The following ANKRD28 variants were observed in gnomAD, a reference collection of about 807,000 sequenced individuals.
ANKRD28 encodes the protein ankyrin repeat domain 28, also known as serine/threonine-protein phosphatase 6 regulatory ankyrin repeat subunit A.
A neutral mutation model predicts 126.5 loss-of-function variants in ANKRD28; 44 were observed. That is an observed-to-expected ratio of 0.35 (90% CI 0.27 to 0.45). The LOEUF is 0.45. Among genes scored for constraint, ANKRD28 ranks in the 20% least tolerant of loss-of-function variants. The pLI is 1.00. For synonymous variants in ANKRD28, 442 were observed against 468.5 expected (o/e 0.94, Z 0.73); for missense variants, 1,110 against 1,316.6 (o/e 0.84, Z 2.43).
intron 1 of ANKRD28, among the ~76,000 whole-genome samples, chr3:15,855,197 G>A (rs746831323): frequency 6.6e-6 from 1 of 152,100 alleles, no homozygotes; most frequent in Non-Finnish European, 1.5e-5. Flanking sequence ...TTTTTTGTGT[G>A]TGTTTTTTCC....
At chr3:15,851,786 A>G (rs183576176) in intron 1 of ANKRD28, among the ~76,000 whole-genome samples, 34 of 152,320 alleles carry the variant, frequency 2.2e-4, no homozygotes, top group African/African-American at 8.2e-4. Context: ...TTCCATTCCT[A>G]TATCCCAGAG....
intron 3 of ANKRD28, among the ~76,000 whole-genome samples, chr3:15,764,825 C>T (rs933354025): frequency 3.3e-5 from 5 of 151,988 alleles, no homozygotes; most frequent in Admixed American, 1.3e-4. Context: ...AGTACATCAG[C>T]GGTGAAATTA....
chr3:15,699,928 A>G (rs2070304378), intron 14 of ANKRD28, among the ~76,000 whole-genome samples: 1 of 152,226 alleles, frequency 6.6e-6, no homozygotes, highest in African/African-American at 2.4e-5. Context: ...ATAAAGACAC[A>G]TGCACACGTA....
chr3:15,705,997 T>C (rs1254961438), intron 14 of ANKRD28, among the ~76,000 whole-genome samples: 1 of 151,688 alleles, frequency 6.6e-6, no homozygotes, highest in East Asian at 1.9e-4. Context: ...CAAGATTCCA[T>C]CTCAAAACGA....
intron 3 of ANKRD28, among the ~76,000 whole-genome samples, chr3:15,755,071 G>C (rs1199168504): frequency 1.3e-5 from 2 of 152,148 alleles, no homozygotes; most frequent in Non-Finnish European, 2.9e-5. Flanking sequence ...GGAGGTTGCA[G>C]TGAGCCTAGA....
intron 10 of ANKRD28, among the ~76,000 whole-genome samples, chr3:15,712,482 A>G (rs1254693550): frequency 1.3e-5 from 2 of 152,190 alleles, no homozygotes; most frequent in South Asian, 2.1e-4. Flanking sequence ...CATTCTGTGC[A>G]TACAGGCTTA....
At chr3:15,795,374 A>T in intron 1 of ANKRD28, 68 bp from the exon 2 acceptor site, 1 of 1,094,710 alleles carries the variant, frequency 9.1e-7, no homozygotes, top group Non-Finnish European at 1.4e-6. Context: ...TATTTTACAT[A>T]GTTCTGGAAT....
rs542104945 is a variant in ANKRD28, at chr3:15,667,566, A to G, written c.*2704T>C. 4.6e-5 allele frequency: 7 copies of G among 152,378 alleles called. No homozygotes were observed. In the South Asian group the frequency reaches 1.4e-3, roughly 32 times the overall value. 9.4% of individuals were successfully genotyped at this position (152,378 alleles called of 1,614,324 possible). ...TTAGACATACAAGGTGTAACCATAA[A>G]GGAAATTTCTACGGTGCTGTGTTCA... On this transcript the variant is annotated 3_prime_UTR_variant, in exon 28 of 28. Transcript: ENST00000683139.
intron 1 of ANKRD28, among the ~76,000 whole-genome samples, chr3:15,831,924 C>T (rs2061201884): frequency 6.6e-6 from 1 of 152,178 alleles, no homozygotes; most frequent in Admixed American, 6.5e-5. Context: ...GACTAGTTTT[C>T]TTCAACCTTG....
rs1447889630 is a variant in ANKRD28 at position 15,749,097 on chromosome 3, TTTTG to T, written c.351+2649_351+2652del. ...TTTCCTTTCATATTCTATATTATGT[TTTTG>T]TTTTTTTTTTTTTTTTTTTTGAGAC... On this transcript the variant is annotated intron_variant, in intron 4 of 27. Coordinates refer to ENST00000683139, the MANE Select transcript of ANKRD28 (RefSeq NM_001349278.2). Among the ~76,000 whole-genome samples, 288 of 33,810 alleles carry T rather than the reference TTTTG, an allele frequency of 8.5e-3. 22 individuals are homozygous for T. The highest frequency in any genetic ancestry group is 0.016 in the African/African-American group (265 of 16,260). The allele number at this position is 33,810 out of a possible 152,430, so 22.2% of individuals were successfully genotyped here. A position where few individuals can be genotyped will look rare whatever the true frequency, so the allele number is the denominator to read the frequency against.
chr3:15,857,322 T>C (rs1457212377), intron 1 of ANKRD28, among the ~76,000 whole-genome samples: 1 of 152,226 alleles, frequency 6.6e-6, no homozygotes, highest in Non-Finnish European at 1.5e-5. Context: ...TCTCGCTCTG[T>C]CGCCCAGGCT....
At chr3:15,803,506 A>T (rs2060506851) in intron 1 of ANKRD28, among the ~76,000 whole-genome samples, 1 of 151,704 alleles carries the variant, frequency 6.6e-6, no homozygotes. Flanking sequence ...AATCCCAGCT[A>T]CTCAAGAGGC....
chr3:15,794,590 A>C (rs1575709060), intron 2 of ANKRD28, among the ~76,000 whole-genome samples: 1 of 23,888 alleles, frequency 4.2e-5, no homozygotes, highest in Non-Finnish European at 1.5e-4. Context: ...GAAAAAACAT[A>C]ACAGAGAGAG....
At chr3:15,738,565 G>A (rs2075198072) in intron 4 of ANKRD28, 3 of 152,506 alleles carry the variant, frequency 2.0e-5, no homozygotes, top group African/African-American at 7.2e-5. Flanking sequence ...GGAGGCTGAG[G>A]TGGGAGGATC....
chr3:15,730,885 T>G (rs1254526353), intron 6 of ANKRD28, among the ~76,000 whole-genome samples: 2 of 152,146 alleles, frequency 1.3e-5, no homozygotes, highest in African/African-American at 4.8e-5. Context: ...TAAGAGGTGA[T>G]TAGGCAATAA....
rs2061382802 is a variant in ANKRD28 at position 15,839,171 on chromosome 3, G to T, written c.27+20206C>A. ...GGGTGATGAAAATACTCTAAAACTGGTTTGTAATGATGAGTGCAAAATTCT... is the reference window on the plus strand; with the variant it reads ...GGGTGATGAAAATACTCTAAAACTGTTTTGTAATGATGAGTGCAAAATTCT... On this transcript the variant is annotated intron_variant, in intron 1 of 27. Transcript: ENST00000399451. The surrounding 1 kb of genome is among the most constrained non-coding windows in gnomAD (Gnocchi z 4.3). Among the ~76,000 whole-genome samples the T allele has an allele frequency of 6.6e-6, 1 of 152,032 alleles. No homozygotes were observed. The highest frequency in any genetic ancestry group is 1.5e-5 in the Non-Finnish European group (1 of 67,998).
intron 5 of ANKRD28, 84 bp downstream of exon 5, chr3:15,736,949 T>TA: frequency 1.4e-6 from 2 of 1,386,924 alleles, no homozygotes; most frequent in East Asian, 2.3e-5. Flanking sequence ...TGTATGCCTT[T>TA]ACTATGCAAA....
At chr3:15,783,552 G>T (rs1180308386) in intron 2 of ANKRD28, among the ~76,000 whole-genome samples, 1 of 151,838 alleles carries the variant, frequency 6.6e-6, no homozygotes. Flanking sequence ...ATTCATGCAA[G>T]GACTTGTACA....
At chr3:15,821,824 G>A (rs2060947437) in intron 1 of ANKRD28, among the ~76,000 whole-genome samples, 1 of 152,132 alleles carries the variant, frequency 6.6e-6, no homozygotes, top group East Asian at 1.9e-4. Flanking sequence ...AAAAAACTGT[G>A]GTTGTATGTT....
Sources: allele counts gnomAD v4.1 joint callset (sites outside exome capture counted in the v4.1 genomes callset), GRCh38; gene constraint gnomAD v4.1.1; non-coding constraint Gnocchi (gnomAD v3.1); transcripts MANE v1.5; gene names NCBI Gene and HGNC (gene_info 2026-07-23, HGNC 2026-07-21).